The following BCO2 variants were observed in gnomAD, a reference collection of about 807,000 sequenced individuals.
BCO2 encodes carotenoid-cleaving dioxygenase, mitochondrial.
In BCO2, 56 loss-of-function variants were observed where a neutral mutation model predicts 65.8. The observed-to-expected ratio is 0.85, with a 90% CI of 0.69 to 1.06. The LOEUF (loss-of-function observed/expected upper bound fraction) is 1.06. Ranked by LOEUF, BCO2 falls within the 50% of genes least tolerant of loss-of-function variation. The pLI, the probability that BCO2 is intolerant of heterozygous loss-of-function variation, is 0.00. For missense variants in BCO2, 675 were observed against 698.5 expected (o/e 0.97, Z 0.38); for synonymous variants, 233 against 242.3 (o/e 0.96, Z 0.36).
rs113176381 is a variant in BCO2, at chr11:112,200,846, TAA to T, written c.1026+77_1026+78del. On this transcript the variant is annotated intron_variant, in intron 7 of 11. Coordinates refer to ENST00000357685, the MANE Select transcript of BCO2 (RefSeq NM_031938.7). ...GCAAATTTCCATATAGTTGATTTTT[TAA>T]AAATCTTCCCTGGTTAAAAGTGCAT... The T allele has an allele frequency of 2.7e-4, 405 of 1,523,878 alleles. 1 individual carries two copies. The African/African-American group carries it at 4.4e-3, about 16-fold the overall frequency. 94.4% of individuals were successfully genotyped at this position (1,523,878 alleles called of 1,614,324 possible).
intron 2 of BCO2, among the ~76,000 whole-genome samples, chr11:112,180,211 T>G (rs1049846877): frequency 6.6e-6 from 1 of 152,368 alleles, no homozygotes; most frequent in Non-Finnish European, 1.5e-5. Context: ...GGATTTGTCT[T>G]AGTACTCAGC....
At chr11:112,201,950 T>C (rs1867746333) in intron 7 of BCO2, 73 bp from the exon 8 acceptor site, 2 of 1,346,900 alleles carry the variant, frequency 1.5e-6, no homozygotes. Context: ...TTTTTGGACC[T>C]GTTTCCTAAA....
chr11:112,208,225 G>A (rs578174774), intron 8 of BCO2, among the ~76,000 whole-genome samples: 24 of 152,262 alleles, frequency 1.6e-4, no homozygotes, highest in South Asian at 8.3e-4. Context: ...GCCTCCCAAA[G>A]TGCTGGGATT....
intron 10 of BCO2, chr11:112,215,323 G>C (rs1384713122): frequency 3.9e-6 from 1 of 255,724 alleles, no homozygotes; most frequent in Non-Finnish European, 7.6e-6. Context: ...CAGTAGGCCT[G>C]ATTCTTTTAC....
intron 1 of BCO2, among the ~76,000 whole-genome samples, chr11:112,177,459 T>G (rs948301455): frequency 6.6e-6 from 1 of 152,238 alleles, no homozygotes; most frequent in Admixed American, 6.5e-5. Flanking sequence ...AAACACAGTG[T>G]CAGTGATCTG....
At chr11:112,181,234 T>G (rs1447485306) in intron 2 of BCO2, 50 of 663,178 alleles carry the variant, frequency 7.5e-5, no homozygotes, top group Non-Finnish European at 1.2e-4. Context: ...CAGGCTGGAG[T>G]GCAGTGGCGG....
chr11:112,194,068 A>AG (rs567525756), intron 4 of BCO2, 74 bp downstream of exon 4: 5 of 859,664 alleles, frequency 5.8e-6, no homozygotes, highest in Admixed American at 4.2e-5. Flanking sequence ...TTTTTAGAGT[A>AG]GTATATATCA....
intron 2 of BCO2, among the ~76,000 whole-genome samples, chr11:112,183,810 T>C (rs1867125561): frequency 6.6e-6 from 1 of 152,216 alleles, no homozygotes; most frequent in South Asian, 2.1e-4. Context: ...TAAAGTAATA[T>C]CCAGTTCTTA....
chr11:112,177,450 AAC>A (rs1866915624), intron 1 of BCO2, among the ~76,000 whole-genome samples: 1 of 152,218 alleles, frequency 6.6e-6, no homozygotes, highest in South Asian at 2.1e-4. Context: ...GCTGAAATAA[AAC>A]ACAGTGTCAG....
chr11:112,180,068 A>G (rs1348471021), intron 2 of BCO2, among the ~76,000 whole-genome samples: 1 of 152,186 alleles, frequency 6.6e-6, no homozygotes, highest in East Asian at 1.9e-4. Context: ...CCAGAATCCA[A>G]GTATGCTGAA....
intron 8 of BCO2, among the ~76,000 whole-genome samples, chr11:112,205,397 G>C (rs1041785612): frequency 6.6e-6 from 1 of 152,114 alleles, no homozygotes; most frequent in African/African-American, 2.4e-5. Context: ...TTTCCCTTAT[G>C]GTTAGTGATG....
Position 112,175,677 on chromosome 11 carries a change from C to A in BCO2, c.76C>A (p.His26Asn). ...TAVDFLPVMV[H>N]RLPVFKRYMG... ...AGTGGATTTCCTTCCTGTGATGGTG[C>A]ACCGGCTCCCAGGTAGAGGGTTTGC... The change falls in exon 1 of 12, where the codon CAC becomes AAC. Residue 26 changes from histidine to asparagine, a missense_variant. His to Asn is a moderately conservative substitution (Grantham distance 68). Coordinates refer to ENST00000357685, the MANE Select transcript of BCO2 (RefSeq NM_031938.7). 2 of 1,613,220 alleles carry A rather than the reference C, an allele frequency of 1.2e-6. No individual in the cohort carries two copies. The highest frequency in any genetic ancestry group is 1.7e-6 in the Non-Finnish European group (2 of 1,179,156).
chr11:112,214,038 T>G (rs919855131), intron 9 of BCO2, among the ~76,000 whole-genome samples, 177 bp downstream of exon 9: 1 of 152,128 alleles, frequency 6.6e-6, no homozygotes, highest in African/African-American at 2.4e-5. Context: ...ATGAACACAG[T>G]GTTTATCTAT....
At chr11:112,210,423 A>G in intron 8 of BCO2, among the ~76,000 whole-genome samples, 1 of 152,180 alleles carries the variant, frequency 6.6e-6, no homozygotes, top group East Asian at 1.9e-4. Flanking sequence ...ATATAATTTG[A>G]AGCAGGATTC....
At chr11:112,202,240 G>A in intron 8 of BCO2, 50 bp downstream of exon 8, 1 of 1,517,678 alleles carries the variant, frequency 6.6e-7, no homozygotes, top group Non-Finnish European at 8.9e-7. Context: ...TGAACTCCAA[G>A]ATCTGGCTTT....
rs767246613 is a variant in BCO2 at position 112,200,605 on chromosome 11, C to G, written c.866-8C>G. On this transcript the variant is annotated splice_region_variant and splice_polypyrimidine_tract_variant and intron_variant, in intron 6 of 11. Coordinates refer to ENST00000357685, the MANE Select transcript of BCO2 (RefSeq NM_031938.7). The stretch of plus-strand genomic sequence containing the variant: ...ATAACATTTTTATTGTTTGCTGGAA[C>G]CTTTTAGGAATGACAAGGAACTATA... 3 of 1,591,722 alleles carry G rather than the reference C, an allele frequency of 1.9e-6. No individual in the cohort carries two copies. The South Asian group carries it at 3.4e-5, about 18-fold the overall frequency.
chr11:112,202,878 C>T (rs1253735810), intron 8 of BCO2, among the ~76,000 whole-genome samples: 3 of 151,776 alleles, frequency 2.0e-5, no homozygotes, highest in Non-Finnish European at 4.4e-5. Context: ...GGTGAAACCT[C>T]GTCTCTAGTA....
At chr11:112,214,984 C>G in intron 10 of BCO2, 40 bp downstream of exon 10, 2 of 1,573,908 alleles carry the variant, frequency 1.3e-6, no homozygotes, top group Non-Finnish European at 1.7e-6. Flanking sequence ...TTTCAGAGAC[C>G]TGTTCTTCCC....
intron 5 of BCO2, among the ~76,000 whole-genome samples, chr11:112,197,908 C>A (rs375650066): frequency 6.6e-6 from 1 of 152,192 alleles, no homozygotes; most frequent in East Asian, 1.9e-4. Flanking sequence ...GCTCTTCCCT[C>A]CACCTGGAAT....
Sources: allele counts gnomAD v4.1 joint callset (sites outside exome capture counted in the v4.1 genomes callset), GRCh38; gene constraint gnomAD v4.1.1; transcripts MANE v1.5; gene names NCBI Gene and HGNC (gene_info 2026-07-23, HGNC 2026-07-21).